The following ARHGEF10 variants were observed in gnomAD, a reference collection of about 807,000 sequenced individuals.
ARHGEF10 encodes Rho guanine nucleotide exchange factor (GEF) 10.
Under a neutral mutation model 147.4 loss-of-function variants are expected in ARHGEF10, and 140 were observed. The ratio of observed to expected loss-of-function variants is 0.95; its 90% CI spans 0.83 to 1.09. ARHGEF10 has a LOEUF of 1.09. Ranked by LOEUF, ARHGEF10 falls within the 50% of genes least tolerant of loss-of-function variation. ARHGEF10 has a pLI of 0.00. For missense variants in ARHGEF10, 2,222 were observed against 1,752.7 expected (o/e 1.27, Z -4.78); for synonymous variants, 902 against 695.8 (o/e 1.30, Z -4.67).
At chr8:1,857,879 G>C (rs11268265) in intron 2 of ARHGEF10, 81 bp from the exon 3 acceptor site, 1 of 593,608 alleles carries the variant, frequency 1.7e-6, no homozygotes, top group Non-Finnish European at 2.8e-6. Flanking sequence ...TAGATCGATC[G>C]ATCTATCTAT....
rs1322907058 is a variant in ARHGEF10 at position 1,929,415 on chromosome 8, G to A, written c.3051G>A (p.Gly1017=). Residue 1017 remains glycine, a synonymous_variant, in exon 25 of 29, where the codon GGG becomes GGA. Coordinates refer to ENST00000349830, the MANE Select transcript of ARHGEF10 (RefSeq NM_014629.4). ...GCCTGTACGCTGGCCTGGTCAACGG[G>A]GCAGTCGCCAGCTACGCCAGAGCCC... ...SQSLYAGLVN[G]AVASYARAPD... is the part of the protein sequence containing the mutation. 6.2e-7 allele frequency: 1 copy of A among 1,610,862 alleles called. No individual in the cohort carries two copies. The highest frequency in any genetic ancestry group is 1.1e-5 in the South Asian group (1 of 90,756).
At position 1,912,849 on chromosome 8, in the gene ARHGEF10, C is replaced by T. The variant is rs570244622; in HGVS notation, c.2143+3379C>T. On this transcript the variant is annotated intron_variant, in intron 18 of 28. Coordinates refer to ENST00000349830, the MANE Select transcript of ARHGEF10 (RefSeq NM_014629.4). Reference sequence around the variant, plus strand: ...GGGGTGATTTTAAAGGTTTTGCCAGCCTCCCCGATTGGGACTGGTGGCGGG... The same window carrying T: ...GGGGTGATTTTAAAGGTTTTGCCAGTCTCCCCGATTGGGACTGGTGGCGGG... Among the ~76,000 whole-genome samples the T allele has an allele frequency of 4.7e-3, 710 of 152,306 alleles. 2 individuals carry two copies. Among genetic ancestry groups the T allele is most frequent in the Non-Finnish European group, 8.0e-3 (544 of 68,024 alleles).
rs112979605 is a variant in ARHGEF10 at position 1,915,978 on chromosome 8, G to A, written c.2143+6508G>A. On this transcript the variant is annotated intron_variant, in intron 18 of 28. Coordinates refer to ENST00000349830, the MANE Select transcript of ARHGEF10 (RefSeq NM_014629.4). The stretch of plus-strand genomic sequence containing the variant: ...TATTCAGGGTCACGGCCCTGTCCAG[G>A]ACCTGACAGCCAGCGTCTCAGGAAA... Among the ~76,000 whole-genome samples the A allele has an allele frequency of 9.5e-3, 1,444 of 152,300 alleles. 28 individuals carry two copies. Among genetic ancestry groups the A allele is most frequent in the African/African-American group, 0.032 (1,312 of 41,564 alleles).
At chr8:1,949,208 T>G (rs983843512) in intron 27 of ARHGEF10, among the ~76,000 whole-genome samples, 5 of 152,196 alleles carry the variant, frequency 3.3e-5, no homozygotes, top group African/African-American at 1.2e-4. Flanking sequence ...TGAAACCTCC[T>G]TCCTTCCTCA....
intron 1 of ARHGEF10, among the ~76,000 whole-genome samples, chr8:1,837,199 C>A (rs1172530587): frequency 1.3e-5 from 2 of 152,240 alleles, no homozygotes; most frequent in African/African-American, 4.8e-5. Flanking sequence ...AAGGCCTGGG[C>A]CAGAATCTGA....
Position 1,894,375 on chromosome 8 carries a change from T to C in ARHGEF10, c.1261-18T>C, listed in dbSNP as rs780685972. On this transcript the variant is annotated intron_variant, in intron 12 of 28. Coordinates refer to ENST00000349830, the MANE Select transcript of ARHGEF10 (RefSeq NM_014629.4). ...TGAAAAAGAAAAGTCTGAACTGTCT[T>C]TGCTCATTTTGTCTTAGCAATATGA... 1 of 1,613,954 alleles carries C rather than the reference T, an allele frequency of 6.2e-7. No individual in the cohort carries two copies. The highest frequency in any genetic ancestry group is 2.2e-5 in the East Asian group (1 of 44,874).
At chr8:1,846,168 G>A (rs1474219073) in intron 2 of ARHGEF10, among the ~76,000 whole-genome samples, 2 of 152,210 alleles carry the variant, frequency 1.3e-5, no homozygotes, top group East Asian at 1.9e-4. Context: ...CCGCGGAGGG[G>A]CTGAGGAGCC....
chr8:1,891,162 T>G (rs971772770), intron 11 of ARHGEF10, among the ~76,000 whole-genome samples: 4 of 152,154 alleles, frequency 2.6e-5, no homozygotes, highest in Non-Finnish European at 5.9e-5. Context: ...ATAGCTGGGA[T>G]TACGATTAGA....
At position 1,859,698 on chromosome 8, in the gene ARHGEF10, A is replaced by G. The variant is rs3817693; in HGVS notation, c.194-199A>G. Among the ~76,000 whole-genome samples the G allele has an allele frequency of 0.3, 44,881 of 151,848 alleles. 6,784 individuals carry two copies. The highest frequency in any genetic ancestry group is 0.44 in the South Asian group (2,121 of 4,806). ...GTAGTGACCAGGCTGCATCCGTCTC[A>G]CCTGTGCCCAGAGGTGATGCTGGGT... On this transcript the variant is annotated intron_variant, in intron 3 of 28. Coordinates refer to ENST00000349830, the MANE Select transcript of ARHGEF10 (RefSeq NM_014629.4).
chr8:1,861,729 C>G (rs17064321), intron 4 of ARHGEF10, among the ~76,000 whole-genome samples: 1 of 152,156 alleles, frequency 6.6e-6, no homozygotes, highest in Admixed American at 6.5e-5. Context: ...CTGTTGAAGT[C>G]GGCCAGAGTC....
chr8:1,851,913 CAAA>C (rs10716531), intron 2 of ARHGEF10, among the ~76,000 whole-genome samples: 1 of 142,602 alleles, frequency 7.0e-6, no homozygotes, highest in Non-Finnish European at 1.5e-5. Context: ...GACTCTGTCT[CAAA>C]AAAAAAAAAA....
intron 28 of ARHGEF10, among the ~76,000 whole-genome samples, chr8:1,956,195 A>C (rs1219143274): frequency 6.6e-6 from 1 of 152,212 alleles, no homozygotes; most frequent in Non-Finnish European, 1.5e-5. Context: ...GGTGTTTCTG[A>C]TACGATCGTG....
intron 1 of ARHGEF10, among the ~76,000 whole-genome samples, chr8:1,824,990 CT>C (rs1368942285): frequency 4.1e-5 from 2 of 49,104 alleles, no homozygotes; most frequent in Non-Finnish European, 7.9e-5. Flanking sequence ...CCCACCTGTC[CT>C]CCCCACACCC....
intron 7 of ARHGEF10, among the ~76,000 whole-genome samples, chr8:1,872,901 C>T (rs909121598): frequency 1.3e-5 from 2 of 152,164 alleles, no homozygotes; most frequent in Non-Finnish European, 2.9e-5. Context: ...TAGGTGCTTG[C>T]AGGTAAATGT....
intron 25 of ARHGEF10, among the ~76,000 whole-genome samples, chr8:1,930,963 C>G (rs927691177): frequency 6.6e-6 from 1 of 152,242 alleles, no homozygotes; most frequent in Non-Finnish European, 1.5e-5. Flanking sequence ...GGTGGGTGCC[C>G]CGGCCTGGAT....
At chr8:1,867,250 G>A (rs1051614595) in intron 6 of ARHGEF10, among the ~76,000 whole-genome samples, 2 of 152,124 alleles carry the variant, frequency 1.3e-5, no homozygotes, top group African/African-American at 4.8e-5. Context: ...TGCTTGAAAA[G>A]CTAATTGGTA....
At chr8:1,855,858 T>G (rs1805511997) in intron 2 of ARHGEF10, among the ~76,000 whole-genome samples, 2 of 152,132 alleles carry the variant, frequency 1.3e-5, no homozygotes, top group African/African-American at 4.8e-5. Flanking sequence ...TTTGTTTAAC[T>G]TTTTACTTTA....
At position 1,880,224 on chromosome 8, in the gene ARHGEF10, C is replaced by T. The variant is rs865990552; in HGVS notation, c.960+60C>T. The T allele has an allele frequency of 8.8e-5, 107 of 1,215,688 alleles. 1 individual carries two copies. The Middle Eastern group carries it at 3.9e-3, about 44-fold the overall frequency. 75.3% of individuals were successfully genotyped at this position (1,215,688 alleles called of 1,614,324 possible). Reference sequence around the variant, plus strand: ...CCAGCCGGGCAGTAAAGAAAAACCGCGCGGCTCGGTCGGTCCTTGCTGTCT... The same window carrying T: ...CCAGCCGGGCAGTAAAGAAAAACCGTGCGGCTCGGTCGGTCCTTGCTGTCT... On this transcript the variant is annotated intron_variant, in intron 9 of 28. Coordinates refer to ENST00000349830, the MANE Select transcript of ARHGEF10 (RefSeq NM_014629.4).
intron 11 of ARHGEF10, among the ~76,000 whole-genome samples, chr8:1,892,744 T>C (rs1200910130): frequency 2.6e-5 from 4 of 152,032 alleles, no homozygotes; most frequent in African/African-American, 7.2e-5. Context: ...CCCGGGCGTG[T>C]GTTCATATGC....
Sources: allele counts gnomAD v4.1 joint callset (sites outside exome capture counted in the v4.1 genomes callset), GRCh38; gene constraint gnomAD v4.1.1; transcripts MANE v1.5; gene names NCBI Gene and HGNC (gene_info 2026-07-23, HGNC 2026-07-21).